Variants in CHN2 observed in about 807,000 individuals in gnomAD.
CHN2 encodes the protein beta-chimaerin.
CHN2 carries 35 observed loss-of-function variants against 56.3 expected under a neutral mutation model. That is an observed-to-expected ratio of 0.62 (90% CI 0.47 to 0.82). The LOEUF (loss-of-function observed/expected upper bound fraction) is 0.82. Among genes scored for constraint, CHN2 ranks in the 40% least tolerant of loss-of-function variants. The pLI, the probability that CHN2 is intolerant of heterozygous loss-of-function variation, is 0.00. For synonymous variants in CHN2, 210 were observed against 212.8 expected (o/e 0.99, Z 0.12); for missense variants, 491 against 580.5 (o/e 0.85, Z 1.58).
chr7:29,192,897 T>C (rs1306588111), upstream of CHN2: 1 of 152,216 alleles, frequency 6.6e-6, no homozygotes, highest in African/African-American at 2.4e-5. Context: ...CATAGATTAC[T>C]AGTCAAACAA....
At chr7:29,186,992 A>G (rs1429415187) in intron 2 of CHN2, among the ~76,000 whole-genome samples, 1 of 152,232 alleles carries the variant, frequency 6.6e-6, no homozygotes, top group Non-Finnish European at 1.5e-5. Flanking sequence ...AATGAGGATA[A>G]CAATTCTCAC....
chr7:29,198,229 A>G (rs1285097179), intron 1 of CHN2, among the ~76,000 whole-genome samples: 1 of 152,248 alleles, frequency 6.6e-6, no homozygotes, highest in East Asian at 1.9e-4. Flanking sequence ...GGTGAAGTCA[A>G]CATGGGTTAT....
chr7:29,444,143 C>A (rs849910), intron 6 of CHN2, among the ~76,000 whole-genome samples: 23,402 of 152,086 alleles, frequency 0.15, 1,956 homozygotes, highest in Middle Eastern at 0.2. Flanking sequence ...GTCCCTGTAA[C>A]AAACAAATAA....
chr7:29,196,607 T>TG (rs2128764296), intron 1 of CHN2, among the ~76,000 whole-genome samples: 1 of 152,304 alleles, frequency 6.6e-6, no homozygotes, highest in South Asian at 2.1e-4. Context: ...GAAAATGAAC[T>TG]GGTGGGGCAA....
At chr7:29,147,129 A>G in intron 2 of CHN2, 1 of 877,496 alleles carries the variant, frequency 1.1e-6, no homozygotes, top group Non-Finnish European at 1.7e-6. Context: ...CTTGTAAGTG[A>G]CCTGAGTGTA....
chr7:29,419,995 G>C (rs537870296), intron 6 of CHN2, among the ~76,000 whole-genome samples: 7 of 151,816 alleles, frequency 4.6e-5, no homozygotes, highest in African/African-American at 1.7e-4. Flanking sequence ...AGGAGGCAGA[G>C]GTTGCAGTGA....
intron 1 of CHN2, among the ~76,000 whole-genome samples, chr7:29,282,930 G>A (rs1047200104): frequency 6.6e-6 from 1 of 152,196 alleles, no homozygotes; most frequent in Non-Finnish European, 1.5e-5. Context: ...AATGAAAACA[G>A]AGAAAAGGAA....
intron 6 of CHN2, among the ~76,000 whole-genome samples, chr7:29,427,358 C>G (rs1480273879): frequency 6.6e-6 from 1 of 152,118 alleles, no homozygotes; most frequent in African/African-American, 2.4e-5. Context: ...CCACCTAGAT[C>G]ACATCCCTGT....
chr7:29,466,723 C>G (rs931834599), intron 6 of CHN2, among the ~76,000 whole-genome samples: 3 of 152,170 alleles, frequency 2.0e-5, no homozygotes, highest in African/African-American at 7.2e-5. Flanking sequence ...AGATCTAGAT[C>G]ACAAAAGACT....
chr7:29,383,926 A>G (rs1380304737), intron 3 of CHN2, among the ~76,000 whole-genome samples: 2 of 152,252 alleles, frequency 1.3e-5, no homozygotes, highest in African/African-American at 4.8e-5. Flanking sequence ...CTAGATGAGT[A>G]GATAGCCCAG....
chr7:29,502,930 T>C (rs913076650), intron 9 of CHN2, among the ~76,000 whole-genome samples: 3 of 152,082 alleles, frequency 2.0e-5, no homozygotes, highest in Non-Finnish European at 4.4e-5. Context: ...CCCCGGTGTG[T>C]GGTGGTCCCC....
chr7:29,466,159 G>A (rs111365221), intron 6 of CHN2, among the ~76,000 whole-genome samples: 12,645 of 151,996 alleles, frequency 0.083, 1,285 homozygotes, highest in African/African-American at 0.25. Context: ...CCAAGTTTGC[G>A]CCACTGCACT....
intron 1 of CHN2, among the ~76,000 whole-genome samples, chr7:29,265,896 C>G (rs1455162956): frequency 2.0e-5 from 3 of 152,158 alleles, no homozygotes; most frequent in Non-Finnish European, 4.4e-5. Context: ...AGTGAAGAGT[C>G]ACCTCAAGAA....
chr7:29,211,109 C>G (rs6953919), intron 1 of CHN2, among the ~76,000 whole-genome samples: 5 of 150,946 alleles, frequency 3.3e-5, no homozygotes, highest in Admixed American at 1.3e-4. Flanking sequence ...CTCGCTCTAT[C>G]GCCCAGGCTG....
intron 1 of CHN2, among the ~76,000 whole-genome samples, chr7:29,209,830 T>C (rs997357608): frequency 6.6e-6 from 1 of 152,176 alleles, no homozygotes; most frequent in African/African-American, 2.4e-5. Context: ...TGGTGCCTAA[T>C]TGGAGAAATA....
At chr7:29,198,151 G>C (rs554741505) in intron 1 of CHN2, among the ~76,000 whole-genome samples, 2 of 152,216 alleles carry the variant, frequency 1.3e-5, no homozygotes, top group African/African-American at 4.8e-5. Flanking sequence ...TCTGGAAGCC[G>C]TAGGACATTT....
chr7:29,347,505 G>A (rs181607614), intron 1 of CHN2, among the ~76,000 whole-genome samples: 15 of 152,254 alleles, frequency 9.9e-5, no homozygotes, highest in African/African-American at 3.6e-4. Flanking sequence ...TCTTCACAAG[G>A]TGGCAAGGGA....
At chr7:29,321,075 G>A (rs905281056) in intron 1 of CHN2, among the ~76,000 whole-genome samples, 4 of 152,194 alleles carry the variant, frequency 2.6e-5, no homozygotes, top group African/African-American at 9.7e-5. Flanking sequence ...ACGGTCTAGG[G>A]AAGATGCTTA....
intron 3 of CHN2, among the ~76,000 whole-genome samples, chr7:29,378,227 A>G (rs1211267114): frequency 6.6e-6 from 1 of 152,206 alleles, no homozygotes; most frequent in Non-Finnish European, 1.5e-5. Flanking sequence ...GTTCATTGTG[A>G]TTTCTTAAGT....
Sources: gnomAD v4.1 joint callset for allele counts (sites outside exome capture counted in the v4.1 genomes callset) on GRCh38, gnomAD v4.1.1 for gene constraint, MANE v1.5 for transcripts, NCBI Gene and HGNC (gene_info 2026-07-23, HGNC 2026-07-21) for gene names.